Variants in PLAG1 observed in about 807,000 individuals in gnomAD.
PLAG1 encodes PLAG1 zinc finger, also known as zinc finger protein PLAG1.
Under a neutral mutation model 35.5 loss-of-function variants are expected in PLAG1, and 7 were observed. The observed-to-expected ratio is 0.20, with a 90% CI of 0.11 to 0.37. The LOEUF (loss-of-function observed/expected upper bound fraction) is 0.37. Ranked by LOEUF, PLAG1 falls within the 10% of genes least tolerant of loss-of-function variation. The probability of loss-of-function intolerance (pLI) is 1.00; values close to 1 mark genes in which losing one functional copy is unlikely to be tolerated. For missense variants in PLAG1, 454 were observed against 602.8 expected (o/e 0.75, Z 2.58); for synonymous variants, 229 against 225.4 (o/e 1.02, Z -0.14).
At chr8:56,196,335 T>C (rs1040343967) in intron 1 of PLAG1, among the ~76,000 whole-genome samples, 3 of 152,210 alleles carry the variant, frequency 2.0e-5, no homozygotes, top group African/African-American at 4.8e-5. Context: ...TTCTTCACTC[T>C]ACTGTTGTAC....
At position 56,166,524 on chromosome 8, in the gene PLAG1, T is replaced by C. The variant is rs1811358200; in HGVS notation, c.1222A>G (p.Ser408Gly). 4 of 1,614,060 alleles carry C rather than the reference T, an allele frequency of 2.5e-6. No individual in the cohort carries two copies. Among genetic ancestry groups the C allele is most frequent in the Non-Finnish European group, 3.4e-6 (4 of 1,179,950 alleles). Reference sequence around the variant, plus strand: ...AATGCTGGTGTGTTTAGGGGGTCACTGATGGAGATAGAGCTTTTGGATAGG... The same window carrying C: ...AATGCTGGTGTGTTTAGGGGGTCACCGATGGAGATAGAGCTTTTGGATAGG... ...LSLSKSSISI[S>G]DPLNTPALDF... The change falls in exon 5 of 5, where the codon AGT becomes GGT. Residue 408 changes from serine to glycine, a missense_variant. Ser to Gly is a moderately conservative substitution (Grantham distance 56). Coordinates refer to ENST00000316981, the MANE Select transcript of PLAG1 (RefSeq NM_002655.3).
chr8:56,173,646 C>T (rs6987263), intron 2 of PLAG1, among the ~76,000 whole-genome samples: 151,953 of 152,078 alleles, frequency 1, 75,915 homozygotes, highest in Middle Eastern at 1. Flanking sequence ...CGAAAATTCT[C>T]CTTTGCCTTG....
At chr8:56,206,089 A>G (rs1284268172) in intron 1 of PLAG1, among the ~76,000 whole-genome samples, 1 of 151,942 alleles carries the variant, frequency 6.6e-6, no homozygotes, top group Non-Finnish European at 1.5e-5. Flanking sequence ...TTAAGAGCAA[A>G]ATTCTTAACA....
In PLAG1 at chr8:56,164,721, C is replaced by T. The variant is rs1811304854; in HGVS notation, c.*1522G>A. 4.6e-6 allele frequency: 1 copy of T among 216,724 alleles called. No individual in the cohort carries two copies. The highest frequency in any genetic ancestry group is 2.3e-5 in the African/African-American group (1 of 44,334). 13.4% of individuals were successfully genotyped at this position (216,724 alleles called of 1,614,324 possible). On this transcript the variant is annotated 3_prime_UTR_variant, in exon 5 of 5. Transcript: ENST00000316981. Reference sequence around the variant, plus strand: ...CCTTAGAAAAATATATTAATTAGACCTTTAAGAAGATTATGTTGGTTGTCT... The same window carrying T: ...CCTTAGAAAAATATATTAATTAGACTTTTAAGAAGATTATGTTGGTTGTCT...
intron 1 of PLAG1, among the ~76,000 whole-genome samples, chr8:56,185,012 CT>C (rs1344821749): frequency 6.6e-6 from 1 of 152,084 alleles, no homozygotes; most frequent in African/African-American, 2.4e-5. Flanking sequence ...TAATGGGCTA[CT>C]AATCAGCAGC....
chr8:56,176,262 A>T (rs942483944), intron 2 of PLAG1, among the ~76,000 whole-genome samples: 13 of 151,984 alleles, frequency 8.6e-5, no homozygotes, highest in African/African-American at 2.9e-4. Context: ...TATGTTGGCC[A>T]GGCTGGTCTC....
At chr8:56,188,268 T>G (rs1812081418) in intron 1 of PLAG1, among the ~76,000 whole-genome samples, 1 of 152,142 alleles carries the variant, frequency 6.6e-6, no homozygotes, top group Admixed American at 6.5e-5. Flanking sequence ...CCATTTGGTA[T>G]GCGGGGAAGA....
chr8:56,206,791 T>A (rs1812712703), intron 1 of PLAG1, among the ~76,000 whole-genome samples: 1 of 152,000 alleles, frequency 6.6e-6, no homozygotes, highest in Non-Finnish European at 1.5e-5. Context: ...GTATTCAATG[T>A]TTCAGAAAAG....
At chr8:56,176,273 G>A (rs1811692729) in intron 2 of PLAG1, among the ~76,000 whole-genome samples, 1 of 151,842 alleles carries the variant, frequency 6.6e-6, no homozygotes, top group African/African-American at 2.4e-5. Flanking sequence ...GGCTGGTCTC[G>A]AACTGCTGGC....
intron 1 of PLAG1, among the ~76,000 whole-genome samples, chr8:56,180,693 A>G (rs928708841): frequency 2.0e-5 from 3 of 152,222 alleles, no homozygotes; most frequent in African/African-American, 7.2e-5. Context: ...ATGGCTAGAC[A>G]GTTTTCCCAA....
intron 1 of PLAG1, among the ~76,000 whole-genome samples, chr8:56,182,319 A>G (rs1811894930): frequency 6.6e-6 from 1 of 152,218 alleles, no homozygotes; most frequent in Non-Finnish European, 1.5e-5. Flanking sequence ...AAGAGATATG[A>G]GGAAGAAAGA....
rs560535515 is a variant in PLAG1 at position 56,174,596 on chromosome 8, T to C, written c.-216-3407A>G. Among the ~76,000 whole-genome samples, 5 of 152,260 alleles carry C rather than the reference T, an allele frequency of 3.3e-5. No individual in the cohort carries two copies. In the South Asian group the frequency reaches 1.0e-3, roughly 32 times the overall value. On this transcript the variant is annotated intron_variant, in intron 2 of 4. Transcript: ENST00000316981. ...CATAAAAGGCAGTTAAAGTAACTGT[T>C]GAATGAATGAAAAAAATTAAAACAG... is the stretch of plus-strand genomic sequence containing the variant.
chr8:56,207,138 A>G (rs1430196491), intron 1 of PLAG1, among the ~76,000 whole-genome samples: 1 of 151,958 alleles, frequency 6.6e-6, no homozygotes, highest in African/African-American at 2.4e-5. Context: ...CAGGATTCTA[A>G]AGAAAAAATA....
At chr8:56,191,924 C>T (rs1324247595) in intron 1 of PLAG1, among the ~76,000 whole-genome samples, 1 of 152,086 alleles carries the variant, frequency 6.6e-6, no homozygotes, top group African/African-American at 2.4e-5. Context: ...TGCACCCTCA[C>T]TCAGTGTCAA....
chr8:56,191,389 C>A (rs557903311), intron 1 of PLAG1, among the ~76,000 whole-genome samples: 1 of 152,224 alleles, frequency 6.6e-6, no homozygotes, highest in Admixed American at 6.5e-5. Context: ...AGGCAGAGGA[C>A]GCGAGCCTGT....
intron 1 of PLAG1, among the ~76,000 whole-genome samples, chr8:56,190,462 G>T (rs1812149872): frequency 6.6e-6 from 1 of 152,154 alleles, no homozygotes; most frequent in African/African-American, 2.4e-5. Context: ...CCTCCTGGTT[G>T]TGTGACATGC....
chr8:56,196,405 C>T (rs1455452264), intron 1 of PLAG1, among the ~76,000 whole-genome samples: 4 of 152,178 alleles, frequency 2.6e-5, no homozygotes, highest in African/African-American at 9.7e-5. Context: ...TGTGATGCCT[C>T]CGCTGTATAC....
At position 56,171,205 on chromosome 8, in the gene PLAG1, G is replaced by A. The variant is rs997578420; in HGVS notation, c.-216-16C>T. 1 of 645,410 alleles carries A rather than the reference G, an allele frequency of 1.5e-6. No homozygotes were observed. Among genetic ancestry groups the A allele is most frequent in the Non-Finnish European group, 1.9e-6 (1 of 518,798 alleles). 40.0% of individuals were successfully genotyped at this position (645,410 alleles called of 1,614,324 possible). On this transcript the variant is annotated splice_polypyrimidine_tract_variant and intron_variant, in intron 2 of 4. Coordinates refer to ENST00000316981, the MANE Select transcript of PLAG1 (RefSeq NM_002655.3). ...TTTGGCCAATCTATGAAAAAAAAGT[G>A]AAAATGGACTATCCTCTAAATGGAA...
chr8:56,170,903 G>A (rs1056706123), intron 3 of PLAG1, among the ~76,000 whole-genome samples, 188 bp downstream of exon 3: 1 of 152,106 alleles, frequency 6.6e-6, no homozygotes, highest in Non-Finnish European at 1.5e-5. Flanking sequence ...ATTTTTTCAT[G>A]GCTGATAATA....
Sources: allele counts gnomAD v4.1 joint callset (sites outside exome capture counted in the v4.1 genomes callset), GRCh38; gene constraint gnomAD v4.1.1; transcripts MANE v1.5; gene names NCBI Gene and HGNC (gene_info 2026-07-23, HGNC 2026-07-21).